The following COL14A1 variants were observed in gnomAD, a reference collection of about 807,000 sequenced individuals.
COL14A1 encodes collagen type XIV alpha 1 chain, also known as collagen alpha-1(XIV) chain.
Under a neutral mutation model 230.3 loss-of-function variants are expected in COL14A1, and 136 were observed. The ratio of observed to expected loss-of-function variants is 0.59; its 90% confidence interval spans 0.51 to 0.68. The LOEUF (loss-of-function observed/expected upper bound fraction) is 0.68. Ranked by LOEUF, COL14A1 falls within the 30% of genes least tolerant of loss-of-function variation. The pLI, the probability that COL14A1 is intolerant of heterozygous loss-of-function variation, is 0.00. For missense variants in COL14A1, 1,976 were observed against 2,215.8 expected (o/e 0.89, Z 2.17); for synonymous variants, 792 against 784.1 (o/e 1.01, Z -0.17).
At chr8:120,171,863 G>A (rs1816102276) in intron 5 of COL14A1, among the ~76,000 whole-genome samples, 1 of 151,784 alleles carries the variant, frequency 6.6e-6, no homozygotes, top group African/African-American at 2.4e-5. Flanking sequence ...TCTTTTAATA[G>A]TAATATTTTG....
At position 120,341,485 on chromosome 8, in the gene COL14A1, TC is replaced by T. The variant is rs993521230; in HGVS notation, c.4821+128del. 11 of 1,061,078 alleles carry T rather than the reference TC, an allele frequency of 1.0e-5. No individual in the cohort carries two copies. In the African/African-American group the frequency reaches 1.8e-4, roughly 17 times the overall value. 65.7% of individuals were successfully genotyped at this position (1,061,078 alleles called of 1,614,324 possible). A position where few individuals can be genotyped will look rare whatever the true frequency, so the allele number is the denominator to read the frequency against. ...TTGCAATTGTACCAGTCTCTGTTTC[TC>T]CCTTTCCCCAATTCATTAGACTGTG... On this transcript the variant is annotated intron_variant, in intron 43 of 47. Coordinates refer to ENST00000297848, the MANE Select transcript of COL14A1 (RefSeq NM_021110.4).
chr8:120,186,400 A>G (rs1228349087), intron 5 of COL14A1, among the ~76,000 whole-genome samples: 3 of 152,172 alleles, frequency 2.0e-5, no homozygotes, highest in Non-Finnish European at 4.4e-5. Context: ...TATTCCTTCA[A>G]ATGTCTTGTG....
chr8:120,281,089 A>G, intron 31 of COL14A1, 30 bp downstream of exon 31: 4 of 1,589,658 alleles, frequency 2.5e-6, no homozygotes, highest in South Asian at 1.1e-5. Flanking sequence ...TTTTAAAGTC[A>G]TCGTATGTTT....
At chr8:120,334,587 C>CACACACACAAAA in intron 42 of COL14A1, among the ~76,000 whole-genome samples, 1 of 127,566 alleles carries the variant, frequency 7.8e-6, no homozygotes, top group South Asian at 2.2e-4. Flanking sequence ...CACACAAAAA[C>CACACACACAAAA]ACACACACAC....
intron 35 of COL14A1, among the ~76,000 whole-genome samples, chr8:120,298,666 T>C (rs780082891): frequency 7.4e-6 from 1 of 134,950 alleles, no homozygotes; most frequent in African/African-American, 2.8e-5. Flanking sequence ...TATCTTAGGA[T>C]CCTAGGACAA....
At position 120,289,661 on chromosome 8, in the gene COL14A1, A is replaced by G. The variant is rs563171569; in HGVS notation, c.4131A>G (p.Gln1377=). 1 of 1,614,052 alleles carries G rather than the reference A, an allele frequency of 6.2e-7. No homozygotes were observed. Among genetic ancestry groups the G allele is most frequent in the South Asian group, 1.1e-5 (1 of 91,082 alleles). ...TCAAAGTGGTTATTGACTGCAAGCAAGTGGGTGAGAAGGCAATGAACGCAT... is the reference window on the plus strand; with the variant it reads ...TCAAAGTGGTTATTGACTGCAAGCAGGTGGGTGAGAAGGCAATGAACGCAT... ...TLVKVVIDCK[Q]VGEKAMNASA... Residue 1377 remains glutamine (Q), a synonymous_variant, in exon 34 of 48, where the codon CAA becomes CAG. Coordinates refer to ENST00000297848, the MANE Select transcript of COL14A1 (RefSeq NM_021110.4).
intron 21 of COL14A1, among the ~76,000 whole-genome samples, chr8:120,249,904 G>T (rs1224628589): frequency 6.6e-6 from 1 of 152,188 alleles, no homozygotes; most frequent in Admixed American, 6.5e-5. Context: ...CTGGAGGAAA[G>T]TGATGAGTAT....
chr8:120,276,643 A>G (rs56311349), intron 26 of COL14A1, among the ~76,000 whole-genome samples: 21,374 of 151,572 alleles, frequency 0.14, 1,662 homozygotes, highest in Non-Finnish European at 0.17. Context: ...AGTTTCATCC[A>G]TGTCCCTTCA....
chr8:120,130,835 G>C (rs944208330), intron 1 of COL14A1, among the ~76,000 whole-genome samples: 1 of 152,146 alleles, frequency 6.6e-6, no homozygotes, highest in African/African-American at 2.4e-5. Flanking sequence ...AGTGAGCATA[G>C]TACCCAAAAG....
chr8:120,367,734 G>A lies in COL14A1; in HGVS notation c.5155+486G>A, dbSNP rs140344813. On this transcript the variant is annotated intron_variant, in intron 46 of 47. Coordinates refer to ENST00000297848, the MANE Select transcript of COL14A1 (RefSeq NM_021110.4). ...GAGGATCACTTGAGGCCAAGAGTTT[G>A]AGACCAGCCTGGGCAATGTGACGAA... is the stretch of plus-strand genomic sequence containing the variant. 3.9e-3 allele frequency among the ~76,000 whole-genome samples: 591 copies of A among 151,104 alleles called. 3 individuals are homozygous for A. The highest frequency in any genetic ancestry group is 0.013 in the African/African-American group (517 of 41,066).
At position 120,266,885 on chromosome 8, in the gene COL14A1, T is replaced by C; in HGVS notation, c.3073+2T>C. The C allele has an allele frequency of 6.2e-7, 1 of 1,607,920 alleles. No individual in the cohort carries two copies. The highest frequency in any genetic ancestry group is 8.5e-7 in the Non-Finnish European group (1 of 1,174,816). Reference sequence around the variant, plus strand: ...CAACCATTCCACCAGCAAAAGAAGGTAAAAGAATAATAGAATAATTATCTG... The same window carrying C: ...CAACCATTCCACCAGCAAAAGAAGGCAAAAGAATAATAGAATAATTATCTG... On this transcript the variant is annotated splice_donor_variant, in intron 25 of 47. Transcript: ENST00000297848. LOFTEE classifies it high-confidence loss of function.
chr8:120,369,327 T>G lies in COL14A1; in HGVS notation c.5156-3T>G. On this transcript the variant is annotated splice_polypyrimidine_tract_variant and splice_region_variant and intron_variant, in intron 46 of 47. Coordinates refer to ENST00000297848, the MANE Select transcript of COL14A1 (RefSeq NM_021110.4). The stretch of plus-strand genomic sequence containing the variant: ...ACGGTTTTCATCTGTGGGTACTTCT[T>G]AGGACCTTCAGGGGAGAGTCGGCCT... The G allele has an allele frequency of 1.3e-6, 2 of 1,560,838 alleles. No individual in the cohort carries two copies. Among genetic ancestry groups the G allele is most frequent in the Middle Eastern group, 1.7e-4 (1 of 5,734 alleles).
intron 2 of COL14A1, among the ~76,000 whole-genome samples, chr8:120,154,633 GTT>G: frequency 6.6e-6 from 1 of 152,178 alleles, no homozygotes; most frequent in East Asian, 1.9e-4. Flanking sequence ...GGATGAGTCT[GTT>G]GGTTTCCTCT....
intron 5 of COL14A1, among the ~76,000 whole-genome samples, chr8:120,176,991 G>C (rs1208765217): frequency 2.0e-5 from 3 of 152,150 alleles, no homozygotes; most frequent in African/African-American, 4.8e-5. Context: ...GGGAGGCCCT[G>C]AGGAAGCCAC....
intron 1 of COL14A1, among the ~76,000 whole-genome samples, chr8:120,145,639 A>T (rs1000804538): frequency 6.6e-6 from 1 of 152,266 alleles, no homozygotes; most frequent in African/African-American, 2.4e-5. Context: ...ACAAACAAAC[A>T]AACAATGCAT....
chr8:120,157,995 TG>T (rs1815535898), intron 2 of COL14A1, 134 bp from the exon 3 acceptor site: 1 of 514,130 alleles, frequency 1.9e-6, no homozygotes, highest in African/African-American at 2.0e-5. Flanking sequence ...AAAAAGCATA[TG>T]TATATATATT....
chr8:120,283,560 G>A (rs1466000708), intron 31 of COL14A1, 76 bp from the exon 32 acceptor site: 28 of 1,452,256 alleles, frequency 1.9e-5, no homozygotes, highest in Non-Finnish European at 2.5e-5. Flanking sequence ...TAATGAAAAT[G>A]TATTTGCTTT....
intron 5 of COL14A1, among the ~76,000 whole-genome samples, chr8:120,180,874 A>G (rs1040114001): frequency 6.6e-6 from 1 of 151,814 alleles, no homozygotes; most frequent in Non-Finnish European, 1.5e-5. Context: ...TGCCCAGCTC[A>G]TTTTTGTATT....
At chr8:120,259,779 T>C (rs959278740) in intron 23 of COL14A1, among the ~76,000 whole-genome samples, 3 of 151,890 alleles carry the variant, frequency 2.0e-5, no homozygotes, top group Non-Finnish European at 4.4e-5. Flanking sequence ...CCCCGGAAGG[T>C]TTGTGGAGGT....
Sources: allele counts gnomAD v4.1 joint callset (sites outside exome capture counted in the v4.1 genomes callset), GRCh38; gene constraint gnomAD v4.1.1; transcripts MANE v1.5; gene names NCBI Gene and HGNC (gene_info 2026-07-23, HGNC 2026-07-21).